The following MYRIP variants were observed in gnomAD, a reference collection of about 807,000 sequenced individuals.
MYRIP encodes the protein rab effector MyRIP.
A neutral mutation model predicts 98.0 loss-of-function variants in MYRIP; 49 were observed. That is an observed-to-expected ratio of 0.50 (90% confidence interval 0.40 to 0.63). The LOEUF is 0.63. Ranked by LOEUF, MYRIP falls within the 30% of genes least tolerant of loss-of-function variation. The pLI is 0.00. For synonymous variants in MYRIP, 404 were observed against 409.5 expected, an observed-to-expected ratio of 0.99 and a Z score of 0.16; for missense variants, 1,004 against 1,058.2, an observed-to-expected ratio of 0.95 and a Z score of 0.71.
chr3:40,194,528 A>T (rs142075414), intron 10 of MYRIP, among the ~76,000 whole-genome samples: 1,980 of 152,126 alleles, frequency 0.013, 21 homozygotes, highest in Non-Finnish European at 0.021. Flanking sequence ...GAAAATGATG[A>T]TATCATTTTC....
chr3:40,087,919 G>A (rs1008233271), intron 3 of MYRIP, among the ~76,000 whole-genome samples: 7 of 135,878 alleles, frequency 5.2e-5, no homozygotes, highest in Non-Finnish European at 1.2e-4. Flanking sequence ...AGATGCCTGT[G>A]CCTCACTACA....
chr3:39,848,567 G>A (rs974380142), intron 1 of MYRIP, among the ~76,000 whole-genome samples: 1 of 152,194 alleles, frequency 6.6e-6, no homozygotes, highest in Non-Finnish European at 1.5e-5. Context: ...ACATGACACT[G>A]CTAAGAATAT....
intron 2 of MYRIP, among the ~76,000 whole-genome samples, chr3:40,031,990 C>T (rs2125819279): frequency 6.6e-6 from 1 of 152,196 alleles, no homozygotes; most frequent in South Asian, 2.1e-4. Flanking sequence ...CTATTTCCTT[C>T]AGTTCTGCTC....
chr3:40,103,846 G>C (rs1949000899), intron 3 of MYRIP, among the ~76,000 whole-genome samples: 1 of 151,922 alleles, frequency 6.6e-6, no homozygotes, highest in East Asian at 1.9e-4. Context: ...TATAAAATAG[G>C]GTTATTAAGT....
chr3:39,878,774 G>T (rs1943081962), intron 1 of MYRIP, among the ~76,000 whole-genome samples: 3 of 151,836 alleles, frequency 2.0e-5, no homozygotes, highest in Non-Finnish European at 4.4e-5. Context: ...AATATTGTTT[G>T]GGCTGGACAC....
intron 9 of MYRIP, among the ~76,000 whole-genome samples, chr3:40,184,090 G>A (rs1177226043): frequency 6.6e-6 from 1 of 152,138 alleles, no homozygotes; most frequent in Non-Finnish European, 1.5e-5. Flanking sequence ...GTTTGCTTTT[G>A]CTTTTTAAGT....
At chr3:40,181,397 C>A (rs1395192170) in intron 8 of MYRIP, among the ~76,000 whole-genome samples, 4 of 152,138 alleles carry the variant, frequency 2.6e-5, no homozygotes, top group Admixed American at 6.5e-5. Flanking sequence ...GTAGGGGCTG[C>A]TGGTGCTGAC....
At chr3:40,159,265 G>T (rs1281986012) in intron 4 of MYRIP, among the ~76,000 whole-genome samples, 1 of 151,004 alleles carries the variant, frequency 6.6e-6, no homozygotes, top group Non-Finnish European at 1.5e-5. Context: ...GCTTAGTTTG[G>T]CTGGATATGA....
At chr3:40,047,576 T>G (rs1947696755) in intron 3 of MYRIP, among the ~76,000 whole-genome samples, 1 of 152,202 alleles carries the variant, frequency 6.6e-6, no homozygotes, top group South Asian at 2.1e-4. Flanking sequence ...TGCTTTAATC[T>G]TGTATTATGT....
intron 4 of MYRIP, among the ~76,000 whole-genome samples, chr3:40,161,940 G>A (rs765966744): frequency 5.9e-5 from 9 of 152,168 alleles, no homozygotes; most frequent in African/African-American, 9.7e-5. Context: ...TGCATGGCCT[G>A]TGTCCCCAGG....
At chr3:39,892,363 A>T (rs753245695) in intron 1 of MYRIP, among the ~76,000 whole-genome samples, 1 of 152,188 alleles carries the variant, frequency 6.6e-6, no homozygotes, top group South Asian at 2.1e-4. Flanking sequence ...GAAAGGAAGG[A>T]AAGTAAGGTC....
chr3:40,183,545 C>A (rs964832508), intron 9 of MYRIP, among the ~76,000 whole-genome samples: 15 of 152,332 alleles, frequency 9.8e-5, no homozygotes, highest in African/African-American at 2.6e-4. Flanking sequence ...TTGGACCCAT[C>A]ACTGTGGGTG....
intron 2 of MYRIP, among the ~76,000 whole-genome samples, chr3:40,036,920 A>G (rs1947397755): frequency 2.0e-5 from 3 of 152,162 alleles, no homozygotes; most frequent in Admixed American, 2.0e-4. Context: ...TTAACTTTAT[A>G]CATTAGTCCA....
At chr3:40,140,201 A>G (rs1949862720) in intron 3 of MYRIP, among the ~76,000 whole-genome samples, 1 of 152,218 alleles carries the variant, frequency 6.6e-6, no homozygotes, top group South Asian at 2.1e-4. Context: ...TGTACTGTAT[A>G]GTAACCAGTA....
intron 3 of MYRIP, among the ~76,000 whole-genome samples, chr3:40,133,368 G>A (rs1241932707): frequency 1.3e-5 from 2 of 152,170 alleles, no homozygotes; most frequent in African/African-American, 4.8e-5. Context: ...GATGTAATAA[G>A]ACAAACAAAA....
chr3:39,961,482 C>T (rs1468456711), intron 2 of MYRIP, among the ~76,000 whole-genome samples: 1 of 152,064 alleles, frequency 6.6e-6, no homozygotes, highest in Non-Finnish European at 1.5e-5. Flanking sequence ...CTTGCAGTTC[C>T]CACGATTTGC....
At chr3:39,931,246 G>A (rs4577403) in intron 2 of MYRIP, among the ~76,000 whole-genome samples, 56,298 of 151,420 alleles carry the variant, frequency 0.37, 10,755 homozygotes, top group East Asian at 0.45. Flanking sequence ...TACAAATCTT[G>A]TAATTTTTTG....
intron 4 of MYRIP, among the ~76,000 whole-genome samples, chr3:40,152,431 G>T: frequency 6.6e-6 from 1 of 152,146 alleles, no homozygotes; most frequent in East Asian, 1.9e-4. Context: ...AAAACATGTG[G>T]AAAACCCTGT....
chr3:39,965,190 C>T (rs115200955), intron 2 of MYRIP, among the ~76,000 whole-genome samples: 230 of 152,098 alleles, frequency 1.5e-3, no homozygotes, highest in African/African-American at 5.2e-3. Context: ...TATTGCGACC[C>T]AATTGGATTT....
Sources: gnomAD v4.1 joint callset for allele counts (sites outside exome capture counted in the v4.1 genomes callset) on GRCh38, gnomAD v4.1.1 for gene constraint, MANE v1.5 for transcripts, NCBI Gene and HGNC (gene_info 2026-07-23, HGNC 2026-07-21) for gene names.